ZGRF1: variants seen among roughly 807,000 people sequenced by gnomAD.
ZGRF1 encodes 5'-3' DNA helicase ZGRF1.
ZGRF1 carries 196 observed loss-of-function variants against 203.5 expected under a neutral mutation model. The observed-to-expected ratio is 0.96, with a 90% CI of 0.86 to 1.08. The LOEUF is 1.08. Among genes scored for constraint, ZGRF1 ranks in the 50% least tolerant of loss-of-function variants. The pLI is 0.00. For synonymous variants in ZGRF1, 809 were observed against 841.3 expected (o/e 0.96, Z 0.66); for missense variants, 2,326 against 2,416.3 (o/e 0.96, Z 0.78).
intron 8 of ZGRF1, among the ~76,000 whole-genome samples, chr4:112,607,618 G>A (rs1578430365): frequency 6.6e-6 from 1 of 152,112 alleles, no homozygotes; most frequent in South Asian, 2.1e-4. Context: ...ACATAAAGAG[G>A]TTGTTTCAGA....
At chr4:112,547,691 G>A (rs992944680) in intron 23 of ZGRF1, among the ~76,000 whole-genome samples, 74 of 152,148 alleles carry the variant, frequency 4.9e-4, no homozygotes, top group African/African-American at 1.7e-3. Context: ...TTTGGGAAAT[G>A]CTGGTTTTTA....
intron 10 of ZGRF1, among the ~76,000 whole-genome samples, chr4:112,592,477 T>A (rs917431060): frequency 6.6e-6 from 1 of 152,222 alleles, no homozygotes. Context: ...ACCACTGACC[T>A]CCAAGTTGCT....
intron 1 of ZGRF1, among the ~76,000 whole-genome samples, chr4:112,635,446 A>C (rs2047567144): frequency 6.6e-6 from 1 of 151,940 alleles, no homozygotes; most frequent in Non-Finnish European, 1.5e-5. Flanking sequence ...TTTTACAGAG[A>C]CAGGGTCTCA....
Position 112,557,439 on chromosome 4 carries a change from C to A in ZGRF1, c.5120+711G>T, listed in dbSNP as rs142422806. Among the ~76,000 whole-genome samples the A allele has an allele frequency of 7.2e-3, 1,092 of 152,258 alleles. 33 individuals are homozygous for A. In the East Asian group the frequency reaches 0.094, roughly 13 times the overall value. On this transcript the variant is annotated intron_variant, in intron 20 of 27. Transcript: ENST00000505019. ...ATCTGCCTGCATTGGCCTCCCAAAG[C>A]ACTGGGATTACAGGCATGAGCCACC...
At position 112,624,896 on chromosome 4, in the gene ZGRF1, A is replaced by G. The variant is rs1437132701; in HGVS notation, c.103-1020T>C. 2.0e-5 allele frequency among the ~76,000 whole-genome samples: 3 copies of G among 152,210 alleles called. No homozygotes were observed. In the South Asian group the frequency reaches 6.2e-4, roughly 31 times the overall value. ...CATATATCTATACAAAAACTTGCAC[A>G]TTAATGCTCATAGCAGCATTATTCA... On this transcript the variant is annotated intron_variant, in intron 3 of 27. Transcript: ENST00000505019.
At chr4:112,563,380 C>T in intron 16 of ZGRF1, 106 bp from the exon 17 acceptor site, 1 of 729,898 alleles carries the variant, frequency 1.4e-6, no homozygotes, top group Non-Finnish European at 2.1e-6. Flanking sequence ...ATCTATAGTA[C>T]ACATATACAT....
intron 16 of ZGRF1, among the ~76,000 whole-genome samples, chr4:112,573,212 C>T (rs1560784231): frequency 6.8e-6 from 1 of 147,502 alleles, no homozygotes; most frequent in Non-Finnish European, 1.5e-5. Context: ...CCATGGAATA[C>T]TATTCAGCCA....
intron 16 of ZGRF1, among the ~76,000 whole-genome samples, chr4:112,576,543 G>A (rs1378460431): frequency 2.6e-5 from 4 of 152,050 alleles, no homozygotes; most frequent in South Asian, 2.1e-4. Context: ...AAAATTAGAC[G>A]AATGGCTAAC....
At position 112,587,650 on chromosome 4, in the gene ZGRF1, G is replaced by A. The variant is rs1453344855; in HGVS notation, c.3407C>T (p.Ser1136Leu). The A allele has an allele frequency of 1.2e-6, 2 of 1,613,726 alleles. No homozygotes were observed. The highest frequency in any genetic ancestry group is 2.2e-5 in the East Asian group (1 of 44,872). The change falls in exon 12 of 28, where the codon TCA becomes TTA. Residue 1136 changes from serine to leucine, a missense_variant. By Grantham distance (145) the Ser-to-Leu change is moderately radical (BLOSUM62 -2). Coordinates refer to ENST00000505019, the MANE Select transcript of ZGRF1 (RefSeq NM_018392.5). ...ESREVNPGDV[S>L]LNNISTQSKW... ...GCTCTGAGTAGATATATTATTAAGTGAAACATCCCCTGGATTCACTTCCCT... is the reference window on the plus strand; with the variant it reads ...GCTCTGAGTAGATATATTATTAAGTAAAACATCCCCTGGATTCACTTCCCT...
At position 112,541,204 on chromosome 4, in the gene ZGRF1, T is replaced by G. The variant is rs1737516714; in HGVS notation, c.5663A>C (p.Asn1888Thr). Residue 1888 changes from asparagine (N) to threonine (T), a missense_variant, in exon 25 of 28, where the codon AAT (asparagine) becomes ACT (threonine). By Grantham distance (65) the Asn-to-Thr change is moderately conservative (BLOSUM62 0). Transcript: ENST00000505019. ...GAGGGCTCCTTTGTAAAACAGATCATTAGCAATAGCACTGATTGCAGGATG... is the reference window on the plus strand; with the variant it reads ...GAGGGCTCCTTTGTAAAACAGATCAGTAGCAATAGCACTGATTGCAGGATG... ...RCHPAISAIA[N>T]DLFYKGALMN... 6 of 1,612,270 alleles carry G rather than the reference T, an allele frequency of 3.7e-6. No homozygotes were observed. In the East Asian group the frequency reaches 1.3e-4, roughly 36 times the overall value.
intron 10 of ZGRF1, among the ~76,000 whole-genome samples, chr4:112,596,384 T>C (rs1421068364): frequency 6.6e-6 from 1 of 152,100 alleles, no homozygotes; most frequent in Admixed American, 6.6e-5. Flanking sequence ...TTGCTGAAAG[T>C]AGGATACAAT....
rs144864782 is a variant in ZGRF1 at position 112,612,931 on chromosome 4, T to C, written c.2603-343A>G. On this transcript the variant is annotated intron_variant, in intron 6 of 27. Coordinates refer to ENST00000505019, the MANE Select transcript of ZGRF1 (RefSeq NM_018392.5). Reference sequence around the variant, plus strand: ...TAACCTATACTAAAAATGCTAAAAATGAAGTACCGGACAACTGTTAGGAAA... The same window carrying C: ...TAACCTATACTAAAAATGCTAAAAACGAAGTACCGGACAACTGTTAGGAAA... 1.1e-4 allele frequency among the ~76,000 whole-genome samples: 16 copies of C among 140,746 alleles called. No homozygotes were observed. In the East Asian group the frequency reaches 3.6e-3, roughly 31 times the overall value. 92.3% of individuals were successfully genotyped at this position (140,746 alleles called of 152,430 possible).
chr4:112,636,037 C>T (rs2149232234), intron 1 of ZGRF1, among the ~76,000 whole-genome samples: 1 of 151,592 alleles, frequency 6.6e-6, no homozygotes, highest in African/African-American at 2.4e-5. Context: ...TGAAAGTCAA[C>T]ACCCTTTCTT....
intron 6 of ZGRF1, among the ~76,000 whole-genome samples, chr4:112,614,887 T>G (rs903330803): frequency 1.3e-5 from 2 of 152,182 alleles, no homozygotes; most frequent in East Asian, 3.9e-4. Flanking sequence ...AAGAAGACTG[T>G]GATATTCCTT....
chr4:112,598,608 T>C (rs1749429719), intron 10 of ZGRF1, among the ~76,000 whole-genome samples: 1 of 152,058 alleles, frequency 6.6e-6, no homozygotes, highest in Non-Finnish European at 1.5e-5. Flanking sequence ...ACAATAGTTA[T>C]TAAAAGCATC....
chr4:112,548,455 G>A, intron 22 of ZGRF1, 75 bp from the exon 23 acceptor site: 1 of 1,239,298 alleles, frequency 8.1e-7, no homozygotes, highest in Non-Finnish European at 1.1e-6. Context: ...CAAAGAACTT[G>A]TAGGCTAAAA....
At chr4:112,597,245 G>A (rs1327192023) in intron 10 of ZGRF1, among the ~76,000 whole-genome samples, 1 of 150,748 alleles carries the variant, frequency 6.6e-6, no homozygotes, top group African/African-American at 2.4e-5. Context: ...CTAGAGGGAG[G>A]GTCAGGCACT....
chr4:112,595,429 TG>T (rs1578394095), intron 10 of ZGRF1, among the ~76,000 whole-genome samples: 1 of 152,042 alleles, frequency 6.6e-6, no homozygotes, highest in African/African-American at 2.4e-5. Flanking sequence ...AATTAAAAAC[TG>T]TGCCCAACAC....
rs1209314797 is a variant in ZGRF1, at chr4:112,618,676, T to C, written c.1366A>G (p.Lys456Glu). 6.2e-7 allele frequency: 1 copy of C among 1,612,824 alleles called. No individual in the cohort carries two copies. Among genetic ancestry groups the C allele is most frequent in the Admixed American group, 1.7e-5 (1 of 59,964 alleles). Residue 456 changes from lysine (K) to glutamate (E), a missense_variant, in exon 6 of 28, where the codon AAA (lysine) becomes GAA (glutamate). By Grantham distance (56) the Lys-to-Glu change is moderately conservative. Transcript: ENST00000505019. The stretch of plus-strand genomic sequence containing the variant: ...GTATTTACCTCCTGAGCATTTTCTT[T>C]AATGAGAACTGATCCTTTAATGCAC... Reference protein sequence around the residue: ...KGCIKGSVLIKENAQEVNTCG... With the variant: ...KGCIKGSVLIEENAQEVNTCG...
Sources: allele counts gnomAD v4.1 joint callset (sites outside exome capture counted in the v4.1 genomes callset), GRCh38; gene constraint gnomAD v4.1.1; transcripts MANE v1.5; gene names NCBI Gene and HGNC (gene_info 2026-07-23, HGNC 2026-07-21).